The following CXCL13 variants were observed in gnomAD, a reference collection of about 807,000 sequenced individuals.
CXCL13 encodes C-X-C motif chemokine 13.
In CXCL13, 7 loss-of-function variants were observed where a neutral mutation model predicts 12.2. That is an observed-to-expected ratio of 0.57 (90% CI 0.33 to 1.07). The LOEUF (loss-of-function observed/expected upper bound fraction) is 1.07. Among genes scored for constraint, CXCL13 ranks in the 50% least tolerant of loss-of-function variants. CXCL13 has a pLI of 0.04. For missense variants in CXCL13, 113 were observed against 127.4 expected (o/e 0.89, Z 0.55); for synonymous variants, 47 against 42.4 (o/e 1.11, Z -0.42).
At chr4:77,547,560 CTT>C (rs907760183) in intron 1 of CXCL13, among the ~76,000 whole-genome samples, 1 of 150,928 alleles carries the variant, frequency 6.6e-6, no homozygotes, top group South Asian at 2.1e-4. Context: ...GCAACCCCTG[CTT>C]TTTTTTTGTT....
At chr4:77,558,030 A>G (rs1725706086) in intron 1 of CXCL13, among the ~76,000 whole-genome samples, 1 of 152,194 alleles carries the variant, frequency 6.6e-6, no homozygotes, top group Non-Finnish European at 1.5e-5. Flanking sequence ...CAAGTCGCAT[A>G]CCCTAGAAGA....
intron 1 of CXCL13, among the ~76,000 whole-genome samples, chr4:77,552,581 A>T (rs1241178605): frequency 1.3e-5 from 2 of 152,224 alleles, no homozygotes; most frequent in Non-Finnish European, 2.9e-5. Context: ...CTGGAGAGGC[A>T]GGGGGCAAGA....
At chr4:77,582,828 A>T (rs1726371586) in intron 1 of CXCL13, among the ~76,000 whole-genome samples, 1 of 152,224 alleles carries the variant, frequency 6.6e-6, no homozygotes, top group Non-Finnish European at 1.5e-5. Context: ...GGTAGGTAAG[A>T]GTTGGTGGTT....
intron 1 of CXCL13, among the ~76,000 whole-genome samples, chr4:77,559,363 T>C (rs1725745800): frequency 6.6e-6 from 1 of 152,190 alleles, no homozygotes; most frequent in Non-Finnish European, 1.5e-5. Context: ...GAAAATGGAA[T>C]GACCCTTCAG....
At chr4:77,582,135 CTT>C (rs1726350327) in intron 1 of CXCL13, among the ~76,000 whole-genome samples, 1 of 152,240 alleles carries the variant, frequency 6.6e-6, no homozygotes, top group Admixed American at 6.5e-5. Flanking sequence ...TGGATTTTCT[CTT>C]GTTTTTCCCA....
Position 77,607,720 on chromosome 4 carries a change from T to C in CXCL13, c.82T>C (p.Tyr28His), listed in dbSNP as rs1437280202. Residue 28 changes from tyrosine (Y) to histidine (H), a missense_variant, in exon 2 of 4, where the codon TAC becomes CAC. By Grantham distance (83) the Tyr-to-His change is moderately conservative. Coordinates refer to ENST00000682537, the MANE Select transcript of CXCL13 (RefSeq NM_001371558.1). ...ACTTACAGGTGTTCTGGAGGTCTAT[T>C]ACACAAGCTTGAGGTGTAGATGTGT... Reference protein sequence around the residue: ...SPVQGVLEVYYTSLRCRCVQE... With the variant: ...SPVQGVLEVYHTSLRCRCVQE... 6.2e-7 allele frequency: 1 copy of C among 1,612,704 alleles called. No individual in the cohort carries two copies. The highest frequency in any genetic ancestry group is 8.5e-7 in the Non-Finnish European group (1 of 1,179,410).
chr4:77,576,475 G>T (rs1020423844), intron 1 of CXCL13, among the ~76,000 whole-genome samples: 2 of 152,182 alleles, frequency 1.3e-5, no homozygotes, highest in African/African-American at 4.8e-5. Flanking sequence ...AGTGCAACAA[G>T]AATCCACTTT....
intron 1 of CXCL13, among the ~76,000 whole-genome samples, chr4:77,572,747 G>A (rs569533761): frequency 2.6e-5 from 4 of 151,844 alleles, no homozygotes; most frequent in Non-Finnish European, 4.4e-5. Context: ...TATACCAAAG[G>A]GAATATAAAT....
At chr4:77,549,074 A>C (rs1725443130) in intron 1 of CXCL13, among the ~76,000 whole-genome samples, 1 of 151,868 alleles carries the variant, frequency 6.6e-6, no homozygotes, top group Non-Finnish European at 1.5e-5. Context: ...TTCTCACTTC[A>C]TTTCATACAT....
At chr4:77,524,691 C>A (rs1724717280) in intron 1 of CXCL13, among the ~76,000 whole-genome samples, 1 of 152,152 alleles carries the variant, frequency 6.6e-6, no homozygotes, top group Admixed American at 6.5e-5. Context: ...GAGGCTATGT[C>A]CCACCCTGCT....
chr4:77,531,594 A>G (rs1330590550), intron 1 of CXCL13, among the ~76,000 whole-genome samples: 5 of 151,886 alleles, frequency 3.3e-5, no homozygotes, highest in African/African-American at 7.3e-5. Context: ...CAATTCCTGG[A>G]TATCCTTGTT....
At chr4:77,546,342 C>T (rs1725362367) in intron 1 of CXCL13, among the ~76,000 whole-genome samples, 1 of 152,174 alleles carries the variant, frequency 6.6e-6, no homozygotes, top group Non-Finnish European at 1.5e-5. Context: ...CTTCTTTGTA[C>T]CTCTGGTAGA....
At chr4:77,610,810 T>G (rs1369531035) in intron 3 of CXCL13, 116 bp downstream of exon 3, 2 of 958,768 alleles carry the variant, frequency 2.1e-6, no homozygotes, top group South Asian at 1.4e-5. Flanking sequence ...AAGACAAATG[T>G]GTGTTTTTCA....
intron 1 of CXCL13, among the ~76,000 whole-genome samples, chr4:77,562,946 G>T (rs1725847016): frequency 6.6e-6 from 1 of 152,132 alleles, no homozygotes. Flanking sequence ...GGCTGCCAGA[G>T]CCAGCAGTGG....
intron 1 of CXCL13, among the ~76,000 whole-genome samples, chr4:77,532,587 T>G (rs1331635992): frequency 2.0e-5 from 3 of 152,198 alleles, no homozygotes; most frequent in Non-Finnish European, 2.9e-5. Context: ...ATTTGAATGT[T>G]GGCCTGCCTT....
chr4:77,553,387 G>A (rs959423381), intron 1 of CXCL13, among the ~76,000 whole-genome samples: 2 of 152,224 alleles, frequency 1.3e-5, no homozygotes, highest in Non-Finnish European at 2.9e-5. Context: ...CTTTGTATGT[G>A]CCTGGGTTAA....
intron 1 of CXCL13, among the ~76,000 whole-genome samples, chr4:77,546,409 T>A (rs1015957708): frequency 6.6e-6 from 1 of 152,186 alleles, no homozygotes; most frequent in African/African-American, 2.4e-5. Flanking sequence ...CTATTAATTA[T>A]CACCTCAATT....
chr4:77,584,908 C>A (rs1453581116), intron 1 of CXCL13, among the ~76,000 whole-genome samples: 1 of 152,130 alleles, frequency 6.6e-6, no homozygotes, highest in Non-Finnish European at 1.5e-5. Flanking sequence ...ATTCAATTAC[C>A]CCAACCCTAA....
Position 77,568,583 on chromosome 4 carries a change from G to A in CXCL13, c.-42-37241G>A, listed in dbSNP as rs538572270. 1.6e-4 allele frequency among the ~76,000 whole-genome samples: 25 copies of A among 152,256 alleles called. 1 individual carries two copies. The South Asian group carries it at 3.3e-3, about 20-fold the overall frequency. ...CCCCATTCTATTGACCCTAGGATGC[G>A]AGAGTCATGTTGTTCTGTGGCCCCA... is the stretch of plus-strand genomic sequence containing the variant. On this transcript the variant is annotated intron_variant, in intron 1 of 4. Coordinates refer to the CXCL13 transcript ENST00000286758.
Sources: gnomAD v4.1 joint callset for allele counts (sites outside exome capture counted in the v4.1 genomes callset) on GRCh38, gnomAD v4.1.1 for gene constraint, MANE v1.5 for transcripts, NCBI Gene and HGNC (gene_info 2026-07-23, HGNC 2026-07-21) for gene names.